Variants in MAP3K5 observed in about 807,000 individuals in gnomAD.
The protein encoded by MAP3K5 is ASK-1.
MAP3K5 carries 56 observed loss-of-function variants against 158.7 expected under a neutral mutation model. The observed-to-expected ratio is 0.35, with a 90% CI of 0.28 to 0.44. MAP3K5 has a LOEUF of 0.44. Among genes scored for constraint, MAP3K5 ranks in the 20% least tolerant of loss-of-function variants. The pLI is 1.00. For synonymous variants in MAP3K5, 579 were observed against 601.7 expected (o/e 0.96, Z 0.55); for missense variants, 1,294 against 1,674.8 (o/e 0.77, Z 3.97).
intron 1 of MAP3K5, among the ~76,000 whole-genome samples, chr6:136,746,676 A>G (rs187831041): frequency 8.5e-4 from 130 of 152,330 alleles, no homozygotes; most frequent in Non-Finnish European, 1.6e-3. Context: ...TTGAGTATGC[A>G]TAACAATATT....
intron 18 of MAP3K5, among the ~76,000 whole-genome samples, chr6:136,606,903 A>C (rs1011890623): frequency 6.6e-6 from 1 of 152,238 alleles, no homozygotes; most frequent in Non-Finnish European, 1.5e-5. Flanking sequence ...TATTGTTTAC[A>C]AAAATAAAAG....
chr6:136,725,552 T>G (rs762187998), intron 1 of MAP3K5, among the ~76,000 whole-genome samples: 4 of 152,244 alleles, frequency 2.6e-5, no homozygotes, highest in Non-Finnish European at 5.9e-5. Context: ...ATTGTTGAGT[T>G]TGTTTTCTTA....
chr6:136,651,822 T>C (rs1477815041), intron 10 of MAP3K5, among the ~76,000 whole-genome samples: 1 of 152,182 alleles, frequency 6.6e-6, no homozygotes, highest in African/African-American at 2.4e-5. Context: ...ATATTATTAC[T>C]AATATCTCAC....
chr6:136,567,830 C>T lies in MAP3K5; in HGVS notation c.3562G>A (p.Asp1188Asn). The change falls in exon 26 of 30, where the codon GAT becomes AAT. Residue 1188 changes from aspartate to asparagine, a missense_variant. Asp to Asn is a conservative substitution (Grantham distance 23). Transcript: ENST00000359015. Reference protein sequence around the residue: ...FSLASESDTADQEDLDVEDDH... With the variant: ...FSLASESDTANQEDLDVEDDH... The stretch of plus-strand genomic sequence containing the variant: ...TCTTCTACATCCAAGTCTTCTTGAT[C>T]AGCAGTATCACTCTCAGATGCAAGG... 6.2e-7 allele frequency: 1 copy of T among 1,614,014 alleles called. No homozygotes were observed. The highest frequency in any genetic ancestry group is 1.1e-5 in the South Asian group (1 of 91,066).
chr6:136,790,983 G>C (rs1284044136), intron 1 of MAP3K5, among the ~76,000 whole-genome samples: 1 of 152,184 alleles, frequency 6.6e-6, no homozygotes, highest in Non-Finnish European at 1.5e-5. Context: ...TATTAGGATA[G>C]CATACAGGTG....
intron 1 of MAP3K5, among the ~76,000 whole-genome samples, chr6:136,722,583 A>T (rs12525244): frequency 0.38 from 58,158 of 151,672 alleles, 12,422 homozygotes; most frequent in Middle Eastern, 0.49. Context: ...TTGCCTAAGA[A>T]GTGGGCAAAG....
intron 1 of MAP3K5, among the ~76,000 whole-genome samples, chr6:136,729,906 G>A (rs12529555): frequency 0.33 from 50,325 of 152,096 alleles, 10,429 homozygotes; most frequent in East Asian, 0.45. Context: ...AATTAAAGAC[G>A]TTTCTGCTTT....
intron 11 of MAP3K5, among the ~76,000 whole-genome samples, chr6:136,644,754 G>A (rs1778164007): frequency 1.3e-5 from 2 of 152,190 alleles, no homozygotes; most frequent in South Asian, 4.1e-4. Context: ...TGCTGGGGAT[G>A]GGTGTAAGCA....
intron 1 of MAP3K5, among the ~76,000 whole-genome samples, chr6:136,759,113 G>C (rs1783626335): frequency 6.6e-6 from 1 of 152,162 alleles, no homozygotes; most frequent in African/African-American, 2.4e-5. Context: ...GAAGGTTGCA[G>C]TGAGCCAAGA....
Position 136,791,962 on chromosome 6 carries a change from C to A in MAP3K5, c.196G>T (p.Gly66Cys). 1 of 1,609,684 alleles carries A rather than the reference C, an allele frequency of 6.2e-7. No homozygotes were observed. Among genetic ancestry groups the A allele is most frequent in the Non-Finnish European group, 8.5e-7 (1 of 1,178,480 alleles). Residue 66 changes from glycine to cysteine, a missense_variant, in exon 1 of 30, where the codon GGT (glycine) becomes TGT (cysteine). Gly to Cys is a radical substitution (Grantham distance 159). Around this residue, in one of 5 missense-constraint regions of MAP3K5, gnomAD observed 690 missense variants for 870.5 expected, o/e 0.79. Coordinates refer to ENST00000359015, the MANE Select transcript of MAP3K5 (RefSeq NM_005923.4). ...NVESAAAPGI[G>C]CPAATSSSSA... ...CTCGAGGAGGTGGCCGCCGGACAACCGATGCCAGGGGCAGCGGCGCTCTCC... is the reference window on the plus strand; with the variant it reads ...CTCGAGGAGGTGGCCGCCGGACAACAGATGCCAGGGGCAGCGGCGCTCTCC...
chr6:136,623,597 A>C (rs1201520201), intron 14 of MAP3K5, among the ~76,000 whole-genome samples: 3 of 152,372 alleles, frequency 2.0e-5, no homozygotes, highest in East Asian at 1.9e-4. Flanking sequence ...TCTAAACTCC[A>C]AACTGTCAAG....
chr6:136,721,813 T>C (rs1311753657), intron 1 of MAP3K5, among the ~76,000 whole-genome samples: 1 of 152,146 alleles, frequency 6.6e-6, no homozygotes, highest in Non-Finnish European at 1.5e-5. Context: ...AGGCCAGGAG[T>C]TTGAGGCCAG....
chr6:136,673,228 A>C (rs1409829683), intron 7 of MAP3K5, among the ~76,000 whole-genome samples: 1 of 152,128 alleles, frequency 6.6e-6, no homozygotes, highest in Non-Finnish European at 1.5e-5. Context: ...ACCCAACCCG[A>C]CTCAACTGCA....
intron 2 of MAP3K5, among the ~76,000 whole-genome samples, chr6:136,711,346 C>T (rs562112890): frequency 4.6e-5 from 7 of 152,164 alleles, no homozygotes; most frequent in African/African-American, 7.2e-5. Context: ...CAAGTCATCA[C>T]GCGTCTCATT....
chr6:136,730,721 C>CAAAAAA (rs377188561), intron 1 of MAP3K5, among the ~76,000 whole-genome samples: 1 of 87,352 alleles, frequency 1.1e-5, no homozygotes. Flanking sequence ...AACTCTGCCT[C>CAAAAAA]AAAAAAAAAA....
At chr6:136,618,335 T>C (rs1776655037) in intron 15 of MAP3K5, among the ~76,000 whole-genome samples, 1 of 152,248 alleles carries the variant, frequency 6.6e-6, no homozygotes, top group Non-Finnish European at 1.5e-5. Flanking sequence ...GCGATCTCTT[T>C]ACATTGTCAA....
chr6:136,659,135 C>T (rs1778894110), intron 9 of MAP3K5, 84 bp downstream of exon 9: 1 of 1,184,440 alleles, frequency 8.4e-7, no homozygotes, highest in East Asian at 2.4e-5. Flanking sequence ...ATAAAATCAT[C>T]TAATTGTCAG....
intron 1 of MAP3K5, among the ~76,000 whole-genome samples, chr6:136,749,085 T>C (rs1167327558): frequency 6.6e-6 from 1 of 152,214 alleles, no homozygotes; most frequent in African/African-American, 2.4e-5. Flanking sequence ...ATGCCTATAA[T>C]CCCAGTACTT....
chr6:136,653,298 T>C (rs1778600813), intron 10 of MAP3K5, among the ~76,000 whole-genome samples: 1 of 152,228 alleles, frequency 6.6e-6, no homozygotes, highest in African/African-American at 2.4e-5. Flanking sequence ...AATTTTCTTT[T>C]GCCCAGAGTC....
Sources: allele counts gnomAD v4.1 joint callset (sites outside exome capture counted in the v4.1 genomes callset), GRCh38; gene constraint gnomAD v4.1.1; regional missense constraint gnomAD v4.1.1; transcripts MANE v1.5; gene names NCBI Gene and HGNC (gene_info 2026-07-23, HGNC 2026-07-21).